RAB12: variants seen among roughly 807,000 people sequenced by gnomAD.
RAB12 encodes the protein ras-related protein Rab-12.
In RAB12, 11 loss-of-function variants were observed where a neutral mutation model predicts 28.4. That is an observed-to-expected ratio of 0.39 (90% CI 0.24 to 0.64). The LOEUF (loss-of-function observed/expected upper bound fraction) is 0.64. Ranked by LOEUF, RAB12 falls within the 30% of genes least tolerant of loss-of-function variation. The pLI is 0.50. For synonymous variants in RAB12, 138 were observed against 145.3 expected (o/e 0.95, Z 0.36); for missense variants, 276 against 351.1 (o/e 0.79, Z 1.71).
At chr18:8,627,741 T>C (rs1443350296) in intron 2 of RAB12, among the ~76,000 whole-genome samples, 1 of 152,140 alleles carries the variant, frequency 6.6e-6, no homozygotes, top group African/African-American at 2.4e-5. Context: ...TTGAAATGCT[T>C]CATATAAGGG....
chr18:8,612,369 T>C lies in RAB12; in HGVS notation c.514+2416T>C, dbSNP rs2096004308. ...GTGTGGTGTAGAATTGTGGTTGCCT[T>C]ACCTGAACGCTTACCATTTGAGCAG... On this transcript the variant is annotated intron_variant, in intron 1 of 5. Transcript: ENST00000649141. Among the ~76,000 whole-genome samples the C allele has an allele frequency of 3.3e-5, 5 of 152,252 alleles. No homozygotes were observed. The South Asian group carries it at 1.0e-3, about 32-fold the overall frequency.
rs1184108265 is a variant in RAB12 at position 8,638,380 on chromosome 18, TAC to T, written c.*121_*122del. The T allele has an allele frequency of 4.4e-6, 3 of 689,066 alleles. No individual in the cohort carries two copies. The Admixed American group carries it at 7.7e-5, about 18-fold the overall frequency. The allele number at this position is 689,066 out of a possible 1,614,324, so 42.7% of individuals were successfully genotyped here. A position where few individuals can be genotyped will look rare whatever the true frequency, so the allele number is the denominator to read the frequency against. On this transcript the variant is annotated 3_prime_UTR_variant, in exon 6 of 6. Transcript: ENST00000649141. ...CACTTTGTAATCCAAGTCAGAGCTA[TAC>T]ACTAACTTGTAAATATGCATATATG...
chr18:8,630,954 T>C (rs2096015617), intron 2 of RAB12, among the ~76,000 whole-genome samples: 1 of 152,280 alleles, frequency 6.6e-6, no homozygotes, highest in African/African-American at 2.4e-5. Context: ...AGTGGCGCGA[T>C]TGCAGTTAAC....
chr18:8,611,927 C>T (rs375293675), intron 1 of RAB12, among the ~76,000 whole-genome samples: 2 of 152,224 alleles, frequency 1.3e-5, no homozygotes, highest in Admixed American at 6.5e-5. Flanking sequence ...GTGCTTCTAA[C>T]TGTGGGATGT....
intron 5 of RAB12, among the ~76,000 whole-genome samples, chr18:8,636,727 A>G (rs983474708): frequency 6.6e-6 from 1 of 152,194 alleles, no homozygotes; most frequent in African/African-American, 2.4e-5. Flanking sequence ...CTTAGCGGAA[A>G]AGAGAGCCCC....
intron 2 of RAB12, among the ~76,000 whole-genome samples, chr18:8,626,276 A>C (rs1013556656): frequency 6.6e-6 from 1 of 152,242 alleles, no homozygotes; most frequent in African/African-American, 2.4e-5. Context: ...TCTAATTATA[A>C]GCTCTATAAG....
intron 2 of RAB12, among the ~76,000 whole-genome samples, chr18:8,632,399 C>G (rs528195791): frequency 6.6e-6 from 1 of 152,124 alleles, no homozygotes; most frequent in South Asian, 2.1e-4. Flanking sequence ...TCAGTGCAGA[C>G]TTGAGGAGCT....
intron 1 of RAB12, among the ~76,000 whole-genome samples, chr18:8,621,026 C>A (rs2096009604): frequency 6.6e-6 from 1 of 152,160 alleles, no homozygotes; most frequent in Admixed American, 6.5e-5. Flanking sequence ...CAGGGACTGT[C>A]CCCATCAACA....
intron 5 of RAB12, among the ~76,000 whole-genome samples, chr18:8,637,799 TAAAG>T (rs2096019772): frequency 6.6e-6 from 1 of 151,044 alleles, no homozygotes; most frequent in African/African-American, 2.5e-5. Context: ...ACCATGTTCT[TAAAG>T]TAAGCTAGAG....
chr18:8,636,443 T>C, intron 5 of RAB12, 86 bp downstream of exon 5: 1 of 876,256 alleles, frequency 1.1e-6, no homozygotes, highest in Non-Finnish European at 1.7e-6. Flanking sequence ...ATTTTGTATT[T>C]AGAAACCAAA....
intron 1 of RAB12, among the ~76,000 whole-genome samples, chr18:8,614,526 A>C (rs1229879745): frequency 6.6e-6 from 1 of 151,660 alleles, no homozygotes; most frequent in Non-Finnish European, 1.5e-5. Flanking sequence ...AAAGAAAAAA[A>C]AAAGACTTAA....
intron 1 of RAB12, among the ~76,000 whole-genome samples, chr18:8,617,736 G>A (rs1200303227): frequency 6.6e-6 from 1 of 152,146 alleles, no homozygotes; most frequent in Non-Finnish European, 1.5e-5. Context: ...GGGCTGCACA[G>A]TGCACAGGGA....
chr18:8,610,277 G>A (rs1598305778), intron 1 of RAB12, among the ~76,000 whole-genome samples: 2 of 152,202 alleles, frequency 1.3e-5, no homozygotes, highest in East Asian at 3.9e-4. Context: ...GGGTTCGAGT[G>A]GAGCGCAGGC....
chr18:8,610,026 G>A (rs999741632), intron 1 of RAB12, 73 bp downstream of exon 1: 1 of 1,161,952 alleles, frequency 8.6e-7, no homozygotes, highest in Non-Finnish European at 1.3e-6. Context: ...CGTGGGCTTC[G>A]AGTCTCATCG....
chr18:8,620,142 T>C (rs321658), intron 1 of RAB12, among the ~76,000 whole-genome samples: 1,266 of 81,730 alleles, frequency 0.015, 15 homozygotes, highest in African/African-American at 0.063. Flanking sequence ...TCTTCTTCTT[T>C]TTTTTTTTTT....
intron 1 of RAB12, among the ~76,000 whole-genome samples, chr18:8,618,679 A>AT (rs1342456950): frequency 6.6e-6 from 1 of 151,948 alleles, no homozygotes; most frequent in Non-Finnish European, 1.5e-5. Context: ...CACCTGGCTA[A>AT]TTTTTTGTGT....
rs779979546 is a variant in RAB12 at position 8,625,017 on chromosome 18, A to G, written c.575+19A>G. 2 of 1,514,382 alleles carry G rather than the reference A, an allele frequency of 1.3e-6. No individual in the cohort carries two copies. 93.8% of individuals were successfully genotyped at this position (1,514,382 alleles called of 1,614,324 possible). A position where few individuals can be genotyped will look rare whatever the true frequency, so the allele number is the denominator to read the frequency against. On this transcript the variant is annotated intron_variant, in intron 2 of 5. Transcript: ENST00000649141. ...AGATCTGGTAAGTGGGAGAGTGTGC[A>G]CCCAGTAATGTGCTGTGTGTGTTTA... is the stretch of plus-strand genomic sequence containing the variant.
chr18:8,636,213 A>C, intron 4 of RAB12, 40 bp from the exon 5 acceptor site: 1 of 1,352,842 alleles, frequency 7.4e-7, no homozygotes, highest in Admixed American at 1.7e-5. Flanking sequence ...CTGGTCTGTG[A>C]GGCCCCACAC....
Position 8,639,178 on chromosome 18 carries a change from T to TTTTTTTTTTTTTTTG in RAB12, c.*917_*931dup. 1.5e-5 allele frequency: 2 copies of TTTTTTTTTTTTTTTG among 130,780 alleles called. No homozygotes were observed. Among genetic ancestry groups the TTTTTTTTTTTTTTTG allele is most frequent in the East Asian group, 2.3e-4 (1 of 4,424 alleles). 8.1% of individuals were successfully genotyped at this position (130,780 alleles called of 1,614,324 possible). ...TTTTTTTTTTTTTTTTTTTTTTTTT[T>TTTTTTTTTTTTTTTG]TTTTTTTTTTTTTTGGTCTGATGAT... On this transcript the variant is annotated 3_prime_UTR_variant, in exon 6 of 6. Coordinates refer to ENST00000649141, the MANE Select transcript of RAB12 (RefSeq NM_001025300.3).
Sources: gnomAD v4.1 joint callset for allele counts (sites outside exome capture counted in the v4.1 genomes callset) on GRCh38, gnomAD v4.1.1 for gene constraint, MANE v1.5 for transcripts, NCBI Gene and HGNC (gene_info 2026-07-23, HGNC 2026-07-21) for gene names.